PITPNC1: variants seen among roughly 807,000 people sequenced by gnomAD.
The protein encoded by PITPNC1 is phosphatidylinositol transfer protein cytoplasmic 1, also known as cytoplasmic phosphatidylinositol transfer protein 1.
PITPNC1 carries 18 observed loss-of-function variants against 44.7 expected under a neutral mutation model. The observed-to-expected ratio is 0.40, with a 90% CI of 0.28 to 0.60. PITPNC1 has a LOEUF of 0.60. PITPNC1 is among the 20% of genes least tolerant of loss of function. PITPNC1 has a pLI of 0.39. For synonymous variants in PITPNC1, 141 were observed against 149.6 expected, an observed-to-expected ratio of 0.94 and a Z score of 0.42; for missense variants, 290 against 418.4, an observed-to-expected ratio of 0.69 and a Z score of 2.68.
intron 1 of PITPNC1, among the ~76,000 whole-genome samples, chr17:67,467,211 A>G (rs2039440846): frequency 1.3e-5 from 2 of 150,580 alleles, no homozygotes; most frequent in Admixed American, 6.6e-5. Context: ...ATTCTTGGCT[A>G]TTTTTTGTGT....
intron 1 of PITPNC1, among the ~76,000 whole-genome samples, chr17:67,501,756 G>A (rs1419530658): frequency 2.0e-5 from 3 of 151,986 alleles, no homozygotes; most frequent in Non-Finnish European, 2.9e-5. Flanking sequence ...TTGCTCGAAC[G>A]TGGGAGGTGG....
intron 5 of PITPNC1, among the ~76,000 whole-genome samples, chr17:67,596,175 G>T (rs1221904950): frequency 1.3e-5 from 2 of 152,114 alleles, no homozygotes; most frequent in Admixed American, 1.3e-4. Context: ...ATTAAGGAAC[G>T]TCCTCGGGAA....
chr17:67,631,641 A>AT (rs1163224562), intron 5 of PITPNC1, among the ~76,000 whole-genome samples: 6 of 9,974 alleles, frequency 6.0e-4, no homozygotes, highest in East Asian at 4.8e-3. Context: ...AAACCAAAAA[A>AT]AAAAAAAAAA....
At chr17:67,500,878 A>G (rs564795992) in intron 1 of PITPNC1, among the ~76,000 whole-genome samples, 99 of 151,252 alleles carry the variant, frequency 6.5e-4, no homozygotes, top group Non-Finnish European at 1.2e-4. Context: ...AAGTGGAGAC[A>G]GGGGTCTCTC....
rs372316214 is a variant in PITPNC1 at position 67,436,919 on chromosome 17, T to G, written c.48+58717T>G. 5.8e-4 allele frequency among the ~76,000 whole-genome samples: 72 copies of G among 124,926 alleles called. No individual in the cohort carries two copies. In the East Asian group the frequency reaches 0.011, roughly 19 times the overall value. 82.0% of individuals were successfully genotyped at this position (124,926 alleles called of 152,430 possible). On this transcript the variant is annotated intron_variant, in intron 1 of 8. Transcript: ENST00000581322. ...TTGAAAATAGGGGTGTTTTTTTTTT[T>G]TTTTTTTTTTTTTTTTTGAGACAGG... is the stretch of plus-strand genomic sequence containing the variant.
At chr17:67,434,026 G>C (rs2038897363) in intron 1 of PITPNC1, among the ~76,000 whole-genome samples, 1 of 152,146 alleles carries the variant, frequency 6.6e-6, no homozygotes, top group South Asian at 2.1e-4. Flanking sequence ...CCTGCTCCTG[G>C]GGCTTAGAAC....
At chr17:67,551,084 CAAAA>C (rs1424536218) in intron 2 of PITPNC1, among the ~76,000 whole-genome samples, 3 of 151,584 alleles carry the variant, frequency 2.0e-5, no homozygotes, top group Admixed American at 1.3e-4. Context: ...ACAAAACAAA[CAAAA>C]AAGTGAAATC....
chr17:67,521,371 A>G (rs1446204037), intron 1 of PITPNC1, among the ~76,000 whole-genome samples: 1 of 152,218 alleles, frequency 6.6e-6, no homozygotes, highest in African/African-American at 2.4e-5. Context: ...ATAATGACAC[A>G]GGTATTACGT....
intron 5 of PITPNC1, among the ~76,000 whole-genome samples, chr17:67,618,904 A>C (rs977740185): frequency 6.6e-6 from 1 of 151,916 alleles, no homozygotes; most frequent in Non-Finnish European, 1.5e-5. Context: ...CTAAAAATAC[A>C]AAAAAGTAGC....
At chr17:67,526,826 T>G (rs1252497560) in intron 1 of PITPNC1, among the ~76,000 whole-genome samples, 2 of 152,270 alleles carry the variant, frequency 1.3e-5, no homozygotes, top group African/African-American at 4.8e-5. Flanking sequence ...CTTCAGTACA[T>G]TATGCAACTC....
At chr17:67,456,943 T>C (rs979859014) in intron 1 of PITPNC1, 1 of 152,150 alleles carries the variant, frequency 6.6e-6, no homozygotes, top group Admixed American at 6.6e-5. Context: ...CCTCTGAAGA[T>C]AGTATTTCTT....
intron 1 of PITPNC1, among the ~76,000 whole-genome samples, chr17:67,438,047 G>A (rs2038960872): frequency 6.6e-6 from 1 of 151,446 alleles, no homozygotes; most frequent in African/African-American, 2.4e-5. Context: ...CATCCTGGGC[G>A]GCAGAGCGAG....
At chr17:67,614,020 G>A (rs2041725337) in intron 5 of PITPNC1, among the ~76,000 whole-genome samples, 1 of 149,730 alleles carries the variant, frequency 6.7e-6, no homozygotes, top group Non-Finnish European at 1.5e-5. Flanking sequence ...TAGGGAGGTT[G>A]AGGCTACAGT....
intron 1 of PITPNC1, among the ~76,000 whole-genome samples, chr17:67,491,925 G>A (rs1228724791): frequency 2.0e-5 from 3 of 151,870 alleles, no homozygotes; most frequent in African/African-American, 7.3e-5. Flanking sequence ...GAGGTGGGGT[G>A]TTGGGAGAAG....
chr17:67,675,114 A>C (rs2042579945), intron 7 of PITPNC1, among the ~76,000 whole-genome samples: 1 of 152,144 alleles, frequency 6.6e-6, no homozygotes, highest in Non-Finnish European at 1.5e-5. Context: ...CACAGATGAA[A>C]AGTAGATGCT....
intron 5 of PITPNC1, among the ~76,000 whole-genome samples, chr17:67,584,551 A>G (rs1222853403): frequency 6.6e-6 from 1 of 152,162 alleles, no homozygotes; most frequent in South Asian, 2.1e-4. Context: ...TAAAAAAAAA[A>G]TAGGATAAAT....
intron 5 of PITPNC1, among the ~76,000 whole-genome samples, chr17:67,610,112 A>G (rs1299188991): frequency 2.0e-5 from 3 of 152,156 alleles, no homozygotes; most frequent in Non-Finnish European, 2.9e-5. Flanking sequence ...CCTCAAACAT[A>G]ATATGCCCAA....
intron 2 of PITPNC1, among the ~76,000 whole-genome samples, chr17:67,538,143 A>G (rs1236594520): frequency 6.6e-6 from 1 of 152,094 alleles, no homozygotes; most frequent in Admixed American, 6.6e-5. Context: ...CATGGAACAA[A>G]GTAGCCCCCA....
At chr17:67,525,848 A>G (rs887956837) in intron 1 of PITPNC1, among the ~76,000 whole-genome samples, 1 of 152,248 alleles carries the variant, frequency 6.6e-6, no homozygotes, top group South Asian at 2.1e-4. Context: ...TGCTTTTCCA[A>G]CATAGCCAGT....
Sources: allele counts gnomAD v4.1 joint callset (sites outside exome capture counted in the v4.1 genomes callset), GRCh38; gene constraint gnomAD v4.1.1; transcripts MANE v1.5; gene names NCBI Gene and HGNC (gene_info 2026-07-23, HGNC 2026-07-21).